DOCK3: variants seen among roughly 807,000 people sequenced by gnomAD.
DOCK3 encodes the protein dedicator of cytokinesis 3, also known as dedicator of cytokinesis protein 3.
A neutral mutation model predicts 265.6 loss-of-function variants in DOCK3; 60 were observed. That is an observed-to-expected ratio of 0.23 (90% CI 0.18 to 0.28). The LOEUF (loss-of-function observed/expected upper bound fraction) is 0.28. DOCK3 is among the 10% of genes least tolerant of loss of function. DOCK3 has a pLI of 1.00. For missense variants in DOCK3, 1,981 were observed against 2,594.3 expected, an observed-to-expected ratio of 0.76 and a Z score of 5.14; for synonymous variants, 881 against 938.0, an observed-to-expected ratio of 0.94 and a Z score of 1.11.
intron 3 of DOCK3, among the ~76,000 whole-genome samples, chr3:50,876,004 T>C (rs1227313321): frequency 6.6e-6 from 1 of 152,084 alleles, no homozygotes; most frequent in Non-Finnish European, 1.5e-5. Context: ...TTTACCATCG[T>C]GTAAGGTTTA....
At chr3:51,019,123 A>T (rs925061998) in intron 5 of DOCK3, among the ~76,000 whole-genome samples, 6 of 151,792 alleles carry the variant, frequency 4.0e-5, no homozygotes, top group African/African-American at 1.2e-4. Context: ...ACAAATTCTT[A>T]TGTTTAATGT....
At chr3:51,350,258 A>G in intron 39 of DOCK3, 30 bp from the exon 40 acceptor site, 1 of 1,581,348 alleles carries the variant, frequency 6.3e-7, no homozygotes, top group Admixed American at 2.0e-5. Context: ...ACAGCAGTCA[A>G]GCCAACCTGA....
chr3:51,304,447 C>A (rs534814124), intron 27 of DOCK3, among the ~76,000 whole-genome samples: 103 of 152,238 alleles, frequency 6.8e-4, no homozygotes, highest in Middle Eastern at 3.4e-3. Context: ...TCCCCTCCCC[C>A]TCCTCCCCTG....
intron 10 of DOCK3, among the ~76,000 whole-genome samples, chr3:51,149,564 C>T (rs1211100597): frequency 3.3e-5 from 5 of 152,090 alleles, no homozygotes; most frequent in Non-Finnish European, 5.9e-5. Flanking sequence ...TATTGAATTT[C>T]GTCAAAGGCC....
Position 50,801,853 on chromosome 3 carries a change from G to C in DOCK3, c.121+23095G>C, listed in dbSNP as rs1274953585. 2.0e-5 allele frequency among the ~76,000 whole-genome samples: 3 copies of C among 152,144 alleles called. No individual in the cohort carries two copies. The East Asian group carries it at 5.8e-4, about 29-fold the overall frequency. On this transcript the variant is annotated intron_variant, in intron 2 of 52. Transcript: ENST00000266037. ...TCTATTTCTTCATTTGGGTCTAATA[G>C]TATTTGTTTTATATGTCTGGGTGTT...
At position 50,806,558 on chromosome 3, in the gene DOCK3, G is replaced by T. The variant is rs1163930558; in HGVS notation, c.121+27800G>T. ...GGACATGGCTGGCTCTCAAGGGCAT[G>T]TTCACCCTGGGTGGGAATGGAAGAC... On this transcript the variant is annotated intron_variant, in intron 2 of 52. Coordinates refer to ENST00000266037, the MANE Select transcript of DOCK3 (RefSeq NM_004947.5). Among the ~76,000 whole-genome samples the T allele has an allele frequency of 3.3e-5, 5 of 151,434 alleles. 1 individual carries two copies. The highest frequency in any genetic ancestry group is 1.2e-4 in the African/African-American group (5 of 41,204).
At chr3:50,920,365 A>T (rs904779774) in intron 4 of DOCK3, among the ~76,000 whole-genome samples, 1 of 152,120 alleles carries the variant, frequency 6.6e-6, no homozygotes, top group African/African-American at 2.4e-5. Flanking sequence ...TTTGCTGTGA[A>T]TCCGTCTGGT....
intron 3 of DOCK3, among the ~76,000 whole-genome samples, chr3:50,848,461 G>A (rs1234965859): frequency 2.6e-5 from 4 of 152,152 alleles, no homozygotes; most frequent in Non-Finnish European, 1.5e-5. Context: ...GAACTCTTAA[G>A]GATCTCCTGT....
At chr3:50,690,191 T>C (rs945034823) in intron 1 of DOCK3, among the ~76,000 whole-genome samples, 15 of 151,628 alleles carry the variant, frequency 9.9e-5, no homozygotes, top group African/African-American at 3.6e-4. Flanking sequence ...TGGAGTGCAG[T>C]GATGCAGTTA....
intron 2 of DOCK3, among the ~76,000 whole-genome samples, chr3:50,804,384 A>G (rs142644375): frequency 0.094 from 14,331 of 152,072 alleles, 836 homozygotes; most frequent in Non-Finnish European, 0.12. Context: ...AGGCCAAGGC[A>G]GGCGGCTGGG....
chr3:51,191,823 T>C (rs2087965428), intron 12 of DOCK3, among the ~76,000 whole-genome samples: 1 of 151,888 alleles, frequency 6.6e-6, no homozygotes, highest in African/African-American at 2.4e-5. Context: ...TGCCCACTTT[T>C]ATGGGATTAT....
chr3:50,927,623 G>T (rs546158956), intron 4 of DOCK3, among the ~76,000 whole-genome samples: 1 of 152,212 alleles, frequency 6.6e-6, no homozygotes, highest in East Asian at 1.9e-4. Flanking sequence ...ACTGTCTCTG[G>T]AAATTGACTG....
chr3:50,827,653 G>T (rs1194764123), intron 2 of DOCK3, among the ~76,000 whole-genome samples: 3 of 151,988 alleles, frequency 2.0e-5, no homozygotes, highest in African/African-American at 7.2e-5. Flanking sequence ...GGAAGTAATG[G>T]CAAAAACCCC....
At chr3:51,007,929 T>C (rs2078755372) in intron 5 of DOCK3, among the ~76,000 whole-genome samples, 1 of 152,206 alleles carries the variant, frequency 6.6e-6, no homozygotes, top group South Asian at 2.1e-4. Context: ...ATCAGATGAT[T>C]ATAGATGTGT....
At chr3:51,023,020 TGTG>T (rs1232910976) in intron 5 of DOCK3, among the ~76,000 whole-genome samples, 1 of 152,220 alleles carries the variant, frequency 6.6e-6, no homozygotes, top group African/African-American at 2.4e-5. Context: ...CTAATGAGTA[TGTG>T]CCTTGGCTAT....
chr3:51,146,637 A>T lies in DOCK3; in HGVS notation c.828+7A>T. ...AATGTGTGCCCTTTTTACAGTATGT[A>T]CGAATTCTCTTTTTCTTCTTTGCTG... On this transcript the variant is annotated splice_region_variant and intron_variant, in intron 10 of 52. Coordinates refer to ENST00000266037, the MANE Select transcript of DOCK3 (RefSeq NM_004947.5). The T allele has an allele frequency of 1.3e-6, 2 of 1,574,724 alleles. No individual in the cohort carries two copies. The highest frequency in any genetic ancestry group is 1.7e-6 in the Non-Finnish European group (2 of 1,158,854).
chr3:51,267,003 C>T (rs1302185980), intron 23 of DOCK3, among the ~76,000 whole-genome samples: 2 of 151,788 alleles, frequency 1.3e-5, no homozygotes, highest in East Asian at 1.9e-4. Flanking sequence ...AAAAAGTGGG[C>T]GAAGGATATG....
At chr3:51,006,687 A>G (rs1284061080) in intron 5 of DOCK3, among the ~76,000 whole-genome samples, 1 of 152,078 alleles carries the variant, frequency 6.6e-6, no homozygotes, top group East Asian at 1.9e-4. Context: ...GGTTTGTTAC[A>G]TATGTATACA....
chr3:51,275,325 A>C, intron 25 of DOCK3, 119 bp downstream of exon 25: 1 of 1,459,254 alleles, frequency 6.9e-7, no homozygotes, highest in Non-Finnish European at 9.3e-7. Flanking sequence ...TGCTTTCATC[A>C]GTGACAGGAA....
Sources: allele counts gnomAD v4.1 joint callset (sites outside exome capture counted in the v4.1 genomes callset), GRCh38; gene constraint gnomAD v4.1.1; transcripts MANE v1.5; gene names NCBI Gene and HGNC (gene_info 2026-07-23, HGNC 2026-07-21).